AKT1: variants seen among roughly 807,000 people sequenced by gnomAD.
AKT1 encodes AKT serine/threonine kinase 1, also known as RAC-alpha serine/threonine-protein kinase.
A neutral mutation model predicts 63.1 loss-of-function variants in AKT1; 21 were observed. That is an observed-to-expected ratio of 0.33 (90% confidence interval 0.24 to 0.48). The LOEUF (loss-of-function observed/expected upper bound fraction) is 0.48. Among genes scored for constraint, AKT1 ranks in the 20% least tolerant of loss-of-function variants. The pLI, the probability that AKT1 is intolerant of heterozygous loss-of-function variation, is 0.99. For synonymous variants in AKT1, 257 were observed against 253.1 expected, an observed-to-expected ratio of 1.02 and a Z score of -0.15; for missense variants, 382 against 666.0, an observed-to-expected ratio of 0.57 and a Z score of 4.69.
At chr14:104,784,690 C>CA (rs1893244555) in intron 3 of AKT1, among the ~76,000 whole-genome samples, 1 of 152,090 alleles carries the variant, frequency 6.6e-6, no homozygotes, top group Non-Finnish European at 1.5e-5. Context: ...ACCACATGGA[C>CA]AGTCACAGGC....
rs535209934 is a variant in AKT1 at position 104,787,108 on chromosome 14, C to G, written c.46+5490G>C. Among the ~76,000 whole-genome samples, 15 of 152,296 alleles carry G rather than the reference C, an allele frequency of 9.8e-5. No homozygotes were observed. In the East Asian group the frequency reaches 2.9e-3, roughly 30 times the overall value. On this transcript the variant is annotated intron_variant, in intron 3 of 14. Coordinates refer to ENST00000649815, the MANE Select transcript of AKT1 (RefSeq NM_001382430.1). ...GCGCCCCAAGGATCCCACCCCAAAG[C>G]CCGCAACATTGGCAGCAGAGTCACC... is the stretch of plus-strand genomic sequence containing the variant.
rs1237203739 is a variant in AKT1 at position 104,769,391 on chromosome 14, CATATT to C, written c.*945_*949del. The C allele has an allele frequency of 3.0e-5, 8 of 262,670 alleles. No individual in the cohort carries two copies. Among genetic ancestry groups the C allele is most frequent in the South Asian group, 1.3e-4 (2 of 15,056 alleles). 16.3% of individuals were successfully genotyped at this position (262,670 alleles called of 1,614,324 possible). On this transcript the variant is annotated 3_prime_UTR_variant, in exon 15 of 15. Coordinates refer to ENST00000649815, the MANE Select transcript of AKT1 (RefSeq NM_001382430.1). Reference sequence around the variant, plus strand: ...ATTGAAGAATTTGGAGGGAAGGTTCCATATTATATTATAATAGTAAAAATACTAAA... The same window carrying C: ...ATTGAAGAATTTGGAGGGAAGGTTCCATATTATAATAGTAAAAATACTAAA...
chr14:104,779,704 G>A (rs1317361411), intron 4 of AKT1, among the ~76,000 whole-genome samples: 1 of 150,372 alleles, frequency 6.7e-6, no homozygotes, highest in Non-Finnish European at 1.5e-5. Flanking sequence ...ACTCAGCCCA[G>A]AGACCCCGGC....
Position 104,769,881 on chromosome 14 carries a change from A to G in AKT1, c.*460T>C, listed in dbSNP as rs1186987382. On this transcript the variant is annotated 3_prime_UTR_variant, in exon 15 of 15. Coordinates refer to ENST00000649815, the MANE Select transcript of AKT1 (RefSeq NM_001382430.1). ...CCCCCAGGAGAGGGTGCTGGCCAGCATACCATAGTGAGGTTGCATCTGGTG... is the reference window on the plus strand; with the variant it reads ...CCCCCAGGAGAGGGTGCTGGCCAGCGTACCATAGTGAGGTTGCATCTGGTG... 1 of 392,440 alleles carries G rather than the reference A, an allele frequency of 2.5e-6. No individual in the cohort carries two copies. The highest frequency in any genetic ancestry group is 4.7e-6 in the Non-Finnish European group (1 of 211,078). The allele number at this position is 392,440 out of a possible 1,614,324, so 24.3% of individuals were successfully genotyped here. A position where few individuals can be genotyped will look rare whatever the true frequency, so the allele number is the denominator to read the frequency against.
rs745500951 is a variant in AKT1 at position 104,775,089 on chromosome 14, A to C, written c.554T>G (p.Val185Gly). Residue 185 changes from valine to glycine, a missense_variant, in exon 7 of 15, where the codon GTC becomes GGC. Coordinates refer to ENST00000649815, the MANE Select transcript of AKT1 (RefSeq NM_001382430.1). ...CCCCGGCCCCACCTTGGCCACGATG[A>C]CTTCCTTCTTGAGGATCTTCATGGC... is the stretch of plus-strand genomic sequence containing the variant. ...YYAMKILKKE[V>G]IVAKDEVAHT... The C allele has an allele frequency of 1.2e-6, 2 of 1,613,780 alleles. No individual in the cohort carries two copies. Among genetic ancestry groups the C allele is most frequent in the South Asian group, 1.1e-5 (1 of 91,060 alleles).
intron 3 of AKT1, among the ~76,000 whole-genome samples, chr14:104,781,705 G>C (rs562120012): frequency 2.0e-5 from 3 of 152,196 alleles, no homozygotes; most frequent in African/African-American, 7.2e-5. Context: ...GCTGCTGGGG[G>C]GATGCTGGTG....
intron 3 of AKT1, among the ~76,000 whole-genome samples, chr14:104,780,863 G>T (rs1055111157): frequency 6.6e-6 from 1 of 152,234 alleles, no homozygotes; most frequent in African/African-American, 2.4e-5. Flanking sequence ...CTGGAGCACC[G>T]TCTTGGGGAC....
chr14:104,772,419 G>T lies in AKT1; in HGVS notation c.1206C>A (p.Ile402=), dbSNP rs748654766. ...TACCGGCAAAGAAGCGATGCTGCAT[G>T]ATCTCCTTGGCGTCCTCGGAGCCCC... ...LGGGSEDAKE[I]MQHRFFAGIV... The change falls in exon 13 of 15, where the codon ATC becomes ATA. Residue 402 remains isoleucine, a synonymous_variant. Coordinates refer to ENST00000649815, the MANE Select transcript of AKT1 (RefSeq NM_001382430.1). 1.9e-6 allele frequency: 3 copies of T among 1,613,736 alleles called. No homozygotes were observed. The highest frequency in any genetic ancestry group is 2.5e-6 in the Non-Finnish European group (3 of 1,180,050).
chr14:104,786,030 A>C (rs975203688), intron 3 of AKT1, among the ~76,000 whole-genome samples: 1 of 151,262 alleles, frequency 6.6e-6, no homozygotes, highest in African/African-American at 2.4e-5. Flanking sequence ...CGGCAAAGGC[A>C]CCCCACCTGC....
intron 3 of AKT1, among the ~76,000 whole-genome samples, chr14:104,791,472 G>A (rs1375055757): frequency 6.6e-6 from 1 of 152,126 alleles, no homozygotes; most frequent in African/African-American, 2.4e-5. Flanking sequence ...GAGGCCCCGC[G>A]TGCCATCACT....
chr14:104,774,009 C>T (rs1227769522), intron 8 of AKT1, 29 bp from the exon 9 acceptor site: 2 of 1,603,554 alleles, frequency 1.2e-6, no homozygotes, highest in Middle Eastern at 3.3e-4. Context: ...GGAACTGCGG[C>T]CCCACAGGCA....
At chr14:104,772,848 T>C (rs1355382862) in intron 12 of AKT1, 30 bp downstream of exon 12, 2 of 1,587,960 alleles carry the variant, frequency 1.3e-6, no homozygotes, top group Non-Finnish European at 1.7e-6. Flanking sequence ...GATGGAGGTG[T>C]AGCCTGTAGC....
intron 10 of AKT1, 25 bp from the exon 11 acceptor site, chr14:104,773,404 A>G: frequency 6.2e-7 from 1 of 1,614,076 alleles, no homozygotes; most frequent in South Asian, 1.1e-5. Flanking sequence ...GCCTCAGGTC[A>G]GTGCCGCCAG....
chr14:104,786,839 G>C (rs1416287137), intron 3 of AKT1, among the ~76,000 whole-genome samples: 5 of 152,158 alleles, frequency 3.3e-5, no homozygotes, highest in Admixed American at 2.0e-4. Context: ...CCTACACCTG[G>C]CTGCTGTGCC....
Position 104,780,074 on chromosome 14 carries a change from A to G in AKT1, c.175+14T>C, listed in dbSNP as rs370511659. On this transcript the variant is annotated intron_variant, in intron 4 of 14. Coordinates refer to ENST00000649815, the MANE Select transcript of AKT1 (RefSeq NM_001382430.1). ...CCCCAAATCTGAATCCCGAGAGGCC[A>G]AGGGGATACTTACGCGCCACAGAGA... 4 of 1,612,592 alleles carry G rather than the reference A, an allele frequency of 2.5e-6. No homozygotes were observed. The highest frequency in any genetic ancestry group is 2.2e-5 in the South Asian group (2 of 91,042).
chr14:104,770,960 G>A (rs1051161505), intron 13 of AKT1, 113 bp from the exon 14 acceptor site: 19 of 915,810 alleles, frequency 2.1e-5, no homozygotes, highest in Non-Finnish European at 2.9e-5. Flanking sequence ...TCTCCAGGCA[G>A]GACTGATGTC....
chr14:104,783,429 C>T (rs1341285124), intron 3 of AKT1, among the ~76,000 whole-genome samples: 3 of 152,060 alleles, frequency 2.0e-5, no homozygotes, highest in Admixed American at 1.3e-4. Flanking sequence ...TCCTCCACAC[C>T]GACCATGGGA....
At chr14:104,785,687 G>A (rs748758009) in intron 3 of AKT1, among the ~76,000 whole-genome samples, 49 of 152,242 alleles carry the variant, frequency 3.2e-4, no homozygotes, top group Non-Finnish European at 3.7e-4. Flanking sequence ...AGGTCCTGCC[G>A]CCAAGGCAGG....
At chr14:104,789,708 G>A (rs1364174776) in intron 3 of AKT1, among the ~76,000 whole-genome samples, 2 of 152,222 alleles carry the variant, frequency 1.3e-5, no homozygotes, top group African/African-American at 2.4e-5. Context: ...TGCTTATCCA[G>A]TGAGACAGCC....
Sources: gnomAD v4.1 joint callset for allele counts (sites outside exome capture counted in the v4.1 genomes callset) on GRCh38, gnomAD v4.1.1 for gene constraint, MANE v1.5 for transcripts, NCBI Gene and HGNC (gene_info 2026-07-23, HGNC 2026-07-21) for gene names.